ZNF726: variants seen among roughly 807,000 people sequenced by gnomAD.
The protein encoded by ZNF726 is zinc finger protein 92 pseudogene 3.
In ZNF726, 15 loss-of-function variants were observed where a neutral mutation model predicts 11.6. The observed-to-expected ratio is 1.29, with a 90% confidence interval of 0.86 to 1.99. The LOEUF (loss-of-function observed/expected upper bound fraction) is 1.99, where lower values mean the gene tolerates loss of function less well. Ranked by LOEUF, ZNF726 falls within the 30% of genes most tolerant of loss-of-function variation. The pLI is 0.00. For missense variants in ZNF726, 890 were observed against 725.6 expected (o/e 1.23, Z -2.60); for synonymous variants, 295 against 243.6 (o/e 1.21, Z -1.96).
intron 3 of ZNF726, among the ~76,000 whole-genome samples, chr19:23,925,118 T>C (rs1967951817): frequency 1.3e-5 from 2 of 152,230 alleles, no homozygotes; most frequent in South Asian, 2.1e-4. Flanking sequence ...ATCATTTCTT[T>C]ACTGGTTTAT....
In ZNF726 at chr19:23,941,607, T is replaced by C. The variant is rs569115758; in HGVS notation, c.227-1887T>C. 3.4e-3 allele frequency among the ~76,000 whole-genome samples: 520 copies of C among 152,224 alleles called. 7 individuals carry two copies. Among genetic ancestry groups the C allele is most frequent in the Non-Finnish European group, 2.4e-3 (165 of 67,980 alleles). On this transcript the variant is annotated intron_variant, in intron 3 of 4. Transcript: ENST00000334589. ...TCTGTGAATCAGTCTGGTCCTGGACTTTTTTTCTTGGTGATTTTTAAATTA... is the reference window on the plus strand; with the variant it reads ...TCTGTGAATCAGTCTGGTCCTGGACCTTTTTTCTTGGTGATTTTTAAATTA...
chr19:23,925,327 A>G (rs1284114166), intron 3 of ZNF726, among the ~76,000 whole-genome samples: 1 of 152,114 alleles, frequency 6.6e-6, no homozygotes, highest in Non-Finnish European at 1.5e-5. Context: ...TAATTGGTAC[A>G]TCTTTATTTT....
chr19:23,925,193 A>C (rs1429439353), intron 3 of ZNF726, among the ~76,000 whole-genome samples: 2 of 152,182 alleles, frequency 1.3e-5, no homozygotes, highest in Non-Finnish European at 2.9e-5. Flanking sequence ...AGGCTGAATA[A>C]TATTCCATTG....
chr19:23,940,822 T>C (rs539755094), intron 3 of ZNF726, among the ~76,000 whole-genome samples: 17 of 152,312 alleles, frequency 1.1e-4, no homozygotes, highest in African/African-American at 4.1e-4. Flanking sequence ...AACTACTGAT[T>C]TGTATACGTT....
chr19:23,942,000 T>G (rs1968345929), intron 3 of ZNF726, among the ~76,000 whole-genome samples: 1 of 152,156 alleles, frequency 6.6e-6, no homozygotes, highest in African/African-American at 2.4e-5. Flanking sequence ...ATTTCCTTTT[T>G]TCTGCTGGGT....
At chr19:23,923,367 C>T (rs989661384) in intron 3 of ZNF726, 2 of 403,328 alleles carry the variant, frequency 5.0e-6, no homozygotes, top group African/African-American at 2.2e-5. Context: ...GATTGTACTG[C>T]ATTTTCTCTG....
At chr19:23,921,681 G>C (rs901541133) in intron 3 of ZNF726, 8 of 152,016 alleles carry the variant, frequency 5.3e-5, no homozygotes, top group Non-Finnish European at 1.0e-4. Context: ...CAGAGAGATG[G>C]TTTTAAGTGT....
intron 3 of ZNF726, among the ~76,000 whole-genome samples, chr19:23,929,903 A>AT (rs1968069486): frequency 6.6e-6 from 1 of 152,152 alleles, no homozygotes; most frequent in African/African-American, 2.4e-5. Context: ...AGAGAGCTTT[A>AT]TTTTATATAT....
intron 3 of ZNF726, among the ~76,000 whole-genome samples, chr19:23,939,946 T>A (rs1368993463): frequency 6.7e-6 from 1 of 149,914 alleles, no homozygotes; most frequent in Non-Finnish European, 1.5e-5. Context: ...ATGTATAGAT[T>A]GTGAAGATTT....
chr19:23,933,718 G>A lies in ZNF726; in HGVS notation c.1602G>A (p.Glu534=), dbSNP rs977565703. Residue 534 remains glutamate, a synonymous_variant, in exon 4 of 4, where the codon GAG becomes GAA. Transcript: ENST00000594466. ...AACATAAGAGGATTCACACTGGAGA[G>A]AAACCCTACAAATGTGAAGAATGTG... The part of the protein sequence containing the change: ...LSKHKRIHTG[E]KPYKCEECGK... The A allele has an allele frequency of 2.5e-6, 4 of 1,612,448 alleles. No individual in the cohort carries two copies. Among genetic ancestry groups the A allele is most frequent in the Admixed American group, 1.7e-5 (1 of 59,994 alleles).
At chr19:23,919,534 AAC>A in intron 2 of ZNF726, 35 bp downstream of exon 2, 2 of 1,540,340 alleles carry the variant, frequency 1.3e-6, no homozygotes, top group South Asian at 2.5e-5. Flanking sequence ...TTTTAATATA[AAC>A]TAAAGCTTTT....
chr19:23,932,414 C>A lies in ZNF726; in HGVS notation c.298C>A (p.Leu100Ile). 1 of 1,551,056 alleles carries A rather than the reference C, an allele frequency of 6.4e-7. No homozygotes were observed. The highest frequency in any genetic ancestry group is 8.7e-7 in the Non-Finnish European group (1 of 1,154,368). ...GVEDSFQKVI[L>I]RRFEKCGHEN... ...GGAAGATTCTTTTCAAAAAGTAATA[C>A]TAAGAAGATTTGAAAAATGTGGACA... is the stretch of plus-strand genomic sequence containing the variant. Residue 100 changes from leucine to isoleucine, a missense_variant, in exon 4 of 4, where the codon CTA becomes ATA. Coordinates refer to ENST00000594466, the MANE Select transcript of ZNF726 (RefSeq NM_001244038.2).
chr19:23,919,856 TTC>T (rs1967798194), intron 2 of ZNF726, 129 bp from the exon 3 acceptor site: 2 of 527,106 alleles, frequency 3.8e-6, no homozygotes, highest in South Asian at 3.2e-5. Flanking sequence ...ATTTAAAAAT[TTC>T]TGTTATAAAT....
chr19:23,924,814 G>A (rs1304447938), intron 3 of ZNF726, among the ~76,000 whole-genome samples: 2 of 151,922 alleles, frequency 1.3e-5, no homozygotes, highest in South Asian at 2.1e-4. Context: ...ATTACTTGAC[G>A]CTGGGAGTGT....
Position 23,934,244 on chromosome 19 carries a change from A to T in ZNF726, c.*277A>T. 1 of 677,836 alleles carries T rather than the reference A, an allele frequency of 1.5e-6. No homozygotes were observed. The highest frequency in any genetic ancestry group is 2.8e-6 in the Non-Finnish European group (1 of 360,528). The allele number at this position is 677,836 out of a possible 1,614,324, so 42.0% of individuals were successfully genotyped here. A position where few individuals can be genotyped will look rare whatever the true frequency, so the allele number is the denominator to read the frequency against. On this transcript the variant is annotated 3_prime_UTR_variant, in exon 4 of 4. Transcript: ENST00000594466. The stretch of plus-strand genomic sequence containing the variant: ...CCTACAAATGTGAAAAATGTGGCAA[A>T]GCATATGGTCCACACCCCTAAGTAG...
rs867454835 is a variant in ZNF726, at chr19:23,942,527, T to A, written c.227-967T>A. On this transcript the variant is annotated intron_variant, in intron 3 of 4. Coordinates refer to the ZNF726 transcript ENST00000334589. Reference sequence around the variant, plus strand: ...ATTGTTTCTTTGTTTACTTTCTGTCTTAATGATCTGTCTAGTGCTGTCAGT... The same window carrying A: ...ATTGTTTCTTTGTTTACTTTCTGTCATAATGATCTGTCTAGTGCTGTCAGT... Among the ~76,000 whole-genome samples the A allele has an allele frequency of 2.0e-5, 3 of 152,336 alleles. No individual in the cohort carries two copies. In the South Asian group the frequency reaches 6.2e-4, roughly 32 times the overall value.
At chr19:23,936,708 CTTTT>C (rs60242417), downstream of ZNF726, among the ~76,000 whole-genome samples, 7 of 146,692 alleles carry the variant, frequency 4.8e-5, no homozygotes, top group African/African-American at 7.5e-5. Context: ...GAAAGAAAAA[CTTTT>C]TTTTTTTCAT....
At chr19:23,937,131 G>C (rs1394756936), downstream of ZNF726, among the ~76,000 whole-genome samples, 12 of 146,326 alleles carry the variant, frequency 8.2e-5, no homozygotes, top group Admixed American at 1.3e-4. Context: ...CTGGCCGGGC[G>C]GGGGGGCTGA....
intron 3 of ZNF726, among the ~76,000 whole-genome samples, chr19:23,940,632 T>C (rs796158638): frequency 8.5e-5 from 13 of 152,286 alleles, no homozygotes; most frequent in African/African-American, 3.1e-4. Context: ...GCATGGGATG[T>C]GTTTCTATTT....
Sources: gnomAD v4.1 joint callset for allele counts (sites outside exome capture counted in the v4.1 genomes callset) on GRCh38, gnomAD v4.1.1 for gene constraint, MANE v1.5 for transcripts, NCBI Gene and HGNC (gene_info 2026-07-23, HGNC 2026-07-21) for gene names.